SPOCK3: variants seen among roughly 807,000 people sequenced by gnomAD.
SPOCK3 encodes testican-3.
Under a neutral mutation model 56.6 loss-of-function variants are expected in SPOCK3, and 30 were observed. That is an observed-to-expected ratio of 0.53 (90% CI 0.40 to 0.72). The LOEUF is 0.72. Among genes scored for constraint, SPOCK3 ranks in the 30% least tolerant of loss-of-function variants. SPOCK3 has a pLI of 0.00. For synonymous variants in SPOCK3, 196 were observed against 183.3 expected (o/e 1.07, Z -0.56); for missense variants, 527 against 530.0 (o/e 0.99, Z 0.06).
intron 3 of SPOCK3, among the ~76,000 whole-genome samples, chr4:167,024,303 A>T (rs1751485655): frequency 6.6e-6 from 1 of 152,128 alleles, no homozygotes; most frequent in African/African-American, 2.4e-5. Context: ...AAATGAGTTT[A>T]GAAATATCAT....
intron 2 of SPOCK3, among the ~76,000 whole-genome samples, chr4:167,099,514 AAAAC>A (rs767485502): frequency 6.6e-6 from 1 of 152,062 alleles, no homozygotes; most frequent in Non-Finnish European, 1.5e-5. Context: ...GAGATAATGA[AAAAC>A]AAGCATATTT....
chr4:167,062,510 C>G lies in SPOCK3; in HGVS notation c.217G>C (p.Gly73Arg). The G allele has an allele frequency of 1.2e-6, 2 of 1,606,570 alleles. No homozygotes were observed. The highest frequency in any genetic ancestry group is 1.7e-6 in the Non-Finnish European group (2 of 1,174,618). The change falls in exon 3 of 11, where the codon GGA (glycine) becomes CGA (arginine). Residue 73 changes from glycine to arginine, a missense_variant. Physicochemically the swap from Gly to Arg is moderately radical, Grantham distance 125. Coordinates refer to ENST00000357545, the MANE Select transcript of SPOCK3 (RefSeq NM_001040159.2). ...TTCTTACCCTGATCGAAGGGTTTTC[C>G]TGGACTCCAAGTGCGGAAATAATCA... ...DDDYFRTWSPGKPFDQALDPA... is the reference protein window; with the variant it reads ...DDDYFRTWSPRKPFDQALDPA...
chr4:167,136,278 G>A (rs923453446), intron 2 of SPOCK3, among the ~76,000 whole-genome samples: 2 of 151,890 alleles, frequency 1.3e-5, no homozygotes, highest in African/African-American at 4.8e-5. Context: ...GTGTGTGTGA[G>A]TGTGTGTGTG....
chr4:167,147,376 G>C (rs556706157), intron 2 of SPOCK3, among the ~76,000 whole-genome samples: 1 of 152,116 alleles, frequency 6.6e-6, no homozygotes, highest in Non-Finnish European at 1.5e-5. Context: ...TATACCAGAG[G>C]TACTCCATTG....
intron 2 of SPOCK3, among the ~76,000 whole-genome samples, chr4:167,223,260 GTATATATTCATTTATAAATATGTATT>G (rs1298900937): frequency 2.2e-5 from 3 of 138,818 alleles, no homozygotes; most frequent in Non-Finnish European, 4.6e-5. Flanking sequence ...ATAAATATAT[GTATATATTCATTTATAAATATGTATT>G]TATATATTCA....
chr4:166,736,036 C>T (rs1294730733), intron 10 of SPOCK3, among the ~76,000 whole-genome samples: 2 of 151,996 alleles, frequency 1.3e-5, no homozygotes, highest in African/African-American at 2.4e-5. Context: ...TTATTTTATA[C>T]TCTTTCTAAT....
chr4:167,078,537 G>C (rs1367079751), intron 2 of SPOCK3, among the ~76,000 whole-genome samples: 1 of 151,478 alleles, frequency 6.6e-6, no homozygotes, highest in Non-Finnish European at 1.5e-5. Flanking sequence ...AGTGTTTTAA[G>C]GTTGATGTAT....
chr4:167,160,738 A>G (rs28825393), intron 2 of SPOCK3, among the ~76,000 whole-genome samples: 1 of 152,078 alleles, frequency 6.6e-6, no homozygotes, highest in African/African-American at 2.4e-5. Flanking sequence ...ATAATGCCAC[A>G]TAGCTACAAC....
At chr4:167,227,238 A>G (rs1736683402) in intron 2 of SPOCK3, among the ~76,000 whole-genome samples, 1 of 152,162 alleles carries the variant, frequency 6.6e-6, no homozygotes, top group Non-Finnish European at 1.5e-5. Context: ...CAGCTTAGAC[A>G]CGGCATTTCT....
chr4:166,739,704 C>CG (rs1553960583), intron 9 of SPOCK3, among the ~76,000 whole-genome samples: 1 of 147,314 alleles, frequency 6.8e-6, no homozygotes, highest in Non-Finnish European at 1.5e-5. Context: ...TATTTTCTGA[C>CG]TTTTTTTTTT....
intron 7 of SPOCK3, among the ~76,000 whole-genome samples, chr4:166,774,469 G>C (rs555071309): frequency 1.3e-5 from 2 of 152,196 alleles, no homozygotes; most frequent in East Asian, 3.9e-4. Flanking sequence ...TTTGTCCCTG[G>C]ATATCTGTGA....
At chr4:167,189,537 G>A (rs1291482000) in intron 2 of SPOCK3, among the ~76,000 whole-genome samples, 1 of 145,332 alleles carries the variant, frequency 6.9e-6, no homozygotes. Flanking sequence ...TGTACAATGT[G>A]ATTATTACAT....
At position 166,945,885 on chromosome 4, in the gene SPOCK3, G is replaced by A. The variant is rs372559930; in HGVS notation, c.351-33142C>T. Among the ~76,000 whole-genome samples, 9 of 152,214 alleles carry A rather than the reference G, an allele frequency of 5.9e-5. No homozygotes were observed. The East Asian group carries it at 1.7e-3, about 29-fold the overall frequency. ...GAGCCTTCACACCTTCTCCACCTGA[G>A]GTGAAAACCTCCCATACTCTGCTCC... On this transcript the variant is annotated intron_variant, in intron 4 of 10. Coordinates refer to ENST00000357545, the MANE Select transcript of SPOCK3 (RefSeq NM_001040159.2).
chr4:167,230,500 C>CA (rs35421281), intron 2 of SPOCK3, among the ~76,000 whole-genome samples: 23,250 of 85,560 alleles, frequency 0.27, 2,336 homozygotes, highest in African/African-American at 0.3. Context: ...AGCCCCCCAC[C>CA]AAAAAAAAAA....
At chr4:166,787,835 G>T (rs1034789449) in intron 7 of SPOCK3, among the ~76,000 whole-genome samples, 2 of 151,996 alleles carry the variant, frequency 1.3e-5, no homozygotes, top group Non-Finnish European at 2.9e-5. Context: ...ATATATATAG[G>T]TATACTGATG....
chr4:166,751,033 C>T (rs3790359), intron 8 of SPOCK3, among the ~76,000 whole-genome samples: 36,584 of 147,840 alleles, frequency 0.25, 5,347 homozygotes, highest in African/African-American at 0.41. Flanking sequence ...AGTTTTACAA[C>T]AAGGCAGCCC....
Position 167,233,967 on chromosome 4 carries a change from T to A in SPOCK3, c.189+18A>T. On this transcript the variant is annotated intron_variant, in intron 2 of 10. Transcript: ENST00000357545. Reference sequence around the variant, plus strand: ...CAGCGCGCGCGTGTGCCCGGGGATGTGGGTGCGCGGAACTTACGTCTCGGA... The same window carrying A: ...CAGCGCGCGCGTGTGCCCGGGGATGAGGGTGCGCGGAACTTACGTCTCGGA... 6.2e-7 allele frequency: 1 copy of A among 1,607,512 alleles called. No homozygotes were observed. The highest frequency in any genetic ancestry group is 8.5e-7 in the Non-Finnish European group (1 of 1,174,518).
chr4:167,058,160 C>T (rs1165412519), intron 3 of SPOCK3, among the ~76,000 whole-genome samples: 1 of 152,036 alleles, frequency 6.6e-6, no homozygotes, highest in Non-Finnish European at 1.5e-5. Flanking sequence ...GGCAATTAGG[C>T]AGGAGAAGGA....
intron 2 of SPOCK3, among the ~76,000 whole-genome samples, chr4:167,231,407 G>A (rs1737166342): frequency 6.6e-6 from 1 of 151,930 alleles, no homozygotes; most frequent in South Asian, 2.1e-4. Context: ...TATTTTATGG[G>A]AAAAAAGCAC....
Sources: gnomAD v4.1 joint callset for allele counts (sites outside exome capture counted in the v4.1 genomes callset) on GRCh38, gnomAD v4.1.1 for gene constraint, MANE v1.5 for transcripts, NCBI Gene and HGNC (gene_info 2026-07-23, HGNC 2026-07-21) for gene names.